Variants in RAB11FIP1 observed in about 807,000 individuals in gnomAD.
RAB11FIP1 encodes RAB11 family interacting protein 1.
Under a neutral mutation model 83.1 loss-of-function variants are expected in RAB11FIP1, and 49 were observed. The observed-to-expected ratio is 0.59, with a 90% CI of 0.47 to 0.75. RAB11FIP1 has a LOEUF of 0.75. Among genes scored for constraint, RAB11FIP1 ranks in the 30% least tolerant of loss-of-function variants. The pLI is 0.00. For synonymous variants in RAB11FIP1, 670 were observed against 656.0 expected (o/e 1.02, Z -0.33); for missense variants, 1,536 against 1,598.7 (o/e 0.96, Z 0.67).
chr8:37,894,346 C>CT (rs1439376744), intron 1 of RAB11FIP1, among the ~76,000 whole-genome samples: 2 of 151,834 alleles, frequency 1.3e-5, no homozygotes, highest in South Asian at 2.1e-4. Context: ...TTGCTTTTTT[C>CT]TTTTTTTTAA....
Position 37,871,991 on chromosome 8 carries a change from G to A in RAB11FIP1, c.2811C>T (p.Pro937=). ...ASDHEGLLSD[P]LSDLQLVSDF... The stretch of plus-strand genomic sequence containing the variant: ...CTGAGACCAACTGAAGGTCACTCAA[G>A]GGGTCAGACAATAAACCTTCGTGGT... Residue 937 remains proline, a synonymous_variant, in exon 4 of 6, where the codon CCC becomes CCT. Coordinates refer to ENST00000330843, the MANE Select transcript of RAB11FIP1 (RefSeq NM_001002814.3). 1 of 1,614,154 alleles carries A rather than the reference G, an allele frequency of 6.2e-7. No individual in the cohort carries two copies. The highest frequency in any genetic ancestry group is 8.5e-7 in the Non-Finnish European group (1 of 1,180,036).
intron 1 of RAB11FIP1, among the ~76,000 whole-genome samples, chr8:37,888,790 CTTTTTTT>C (rs35214439): frequency 7.0e-5 from 7 of 100,662 alleles, no homozygotes; most frequent in East Asian, 3.0e-4. Flanking sequence ...CGTTCTGCAA[CTTTTTTT>C]TTTTTTTTTT....
At position 37,899,095 on chromosome 8, in the gene RAB11FIP1, C is replaced by T. The variant is rs1817701133; in HGVS notation, c.347G>A (p.Arg116His). The change falls in exon 1 of 6, where the codon CGC becomes CAC. Residue 116 changes from arginine to histidine, a missense_variant. Coordinates refer to ENST00000330843, the MANE Select transcript of RAB11FIP1 (RefSeq NM_001002814.3). This position sits in a 1 kb window ranked among gnomAD's most constrained non-coding sequence, Gnocchi z 4.5. ...RAEVDLRDLHRDQGRRKTQWY... is the reference protein window; with the variant it reads ...RAEVDLRDLHHDQGRRKTQWY... The stretch of plus-strand genomic sequence containing the variant: ...CTGCGTCTTCCTGCGGCCCTGGTCG[C>T]GGTGCAGATCCCGCAGGTCCACCTC... 1 of 1,519,670 alleles carries T rather than the reference C, an allele frequency of 6.6e-7. No homozygotes were observed. Among genetic ancestry groups the T allele is most frequent in the Non-Finnish European group, 8.8e-7 (1 of 1,142,808 alleles). The allele number at this position is 1,519,670 out of a possible 1,614,324, so 94.1% of individuals were successfully genotyped here.
intron 1 of RAB11FIP1, among the ~76,000 whole-genome samples, chr8:37,882,583 A>G (rs932524350): frequency 2.0e-5 from 3 of 152,184 alleles, no homozygotes; most frequent in African/African-American, 7.2e-5. Flanking sequence ...ACTTTCGGGA[A>G]CGTCCTACTC....
intron 5 of RAB11FIP1, among the ~76,000 whole-genome samples, chr8:37,865,315 C>CTTTTTT (rs11407439): frequency 2.8e-5 from 4 of 142,934 alleles, no homozygotes; most frequent in Non-Finnish European, 4.5e-5. Context: ...TCCTGGGATT[C>CTTTTTT]TTTTTTTTTT....
chr8:37,887,846 A>C (rs1300675633), intron 1 of RAB11FIP1, among the ~76,000 whole-genome samples: 1 of 152,230 alleles, frequency 6.6e-6, no homozygotes, highest in African/African-American at 2.4e-5. Context: ...AGTGCATTAT[A>C]CATTACTGGC....
In RAB11FIP1 at chr8:37,872,888, A is replaced by G. The variant is rs375093884; in HGVS notation, c.1914T>C (p.Thr638=). The G allele has an allele frequency of 6.2e-7, 1 of 1,614,230 alleles. No homozygotes were observed. The highest frequency in any genetic ancestry group is 2.2e-5 in the East Asian group (1 of 44,892). ...AATTTGGAACCGGTGTTAAACTCTC[A>G]GTTTGCAACTCTGCCTTAGGGAGCA... ...PPLLPKAELQ[T]ESLTPVPNSG... The change falls in exon 4 of 6, where the codon ACT becomes ACC. Residue 638 remains threonine (T), a synonymous_variant. Transcript: ENST00000330843.
chr8:37,872,079 G>A lies in RAB11FIP1; in HGVS notation c.2723C>T (p.Thr908Ile), dbSNP rs770350211. 1 of 1,614,156 alleles carries A rather than the reference G, an allele frequency of 6.2e-7. No individual in the cohort carries two copies. The highest frequency in any genetic ancestry group is 8.5e-7 in the Non-Finnish European group (1 of 1,180,022). Residue 908 changes from threonine to isoleucine, a missense_variant, in exon 4 of 6, where the codon ACT becomes ATT. By Grantham distance (89) the Thr-to-Ile change is moderately conservative. Transcript: ENST00000330843. ...PMSEASSAKD[T>I]PLFRMEGEDA... ...CTCTCCCTCCATCCTAAAGAGTGGA[G>A]TGTCTTTCGCTGAGCTTGCTTCACT...
At chr8:37,869,768 G>A (rs1319056302) in intron 5 of RAB11FIP1, among the ~76,000 whole-genome samples, 1 of 152,176 alleles carries the variant, frequency 6.6e-6, no homozygotes, top group African/African-American at 2.4e-5. Flanking sequence ...GTTGGGGAGA[G>A]GAAGCAGAGA....
At chr8:37,878,921 T>G (rs980753324) in intron 1 of RAB11FIP1, among the ~76,000 whole-genome samples, 1 of 152,118 alleles carries the variant, frequency 6.6e-6, no homozygotes. Context: ...GAGGCTGCAG[T>G]GAGCTATAAT....
At chr8:37,871,174 G>T in intron 4 of RAB11FIP1, 104 bp downstream of exon 4, 1 of 1,445,272 alleles carries the variant, frequency 6.9e-7, no homozygotes, top group Non-Finnish European at 9.2e-7. Context: ...CAGGTGGGTT[G>T]TCACATCAGA....
At chr8:37,885,215 G>A (rs1413798233) in intron 1 of RAB11FIP1, among the ~76,000 whole-genome samples, 3 of 151,712 alleles carry the variant, frequency 2.0e-5, no homozygotes, top group South Asian at 2.1e-4. Context: ...GGCCGGTCTC[G>A]AACTCCTGAC....
At chr8:37,877,047 T>C in intron 2 of RAB11FIP1, 62 bp downstream of exon 2, 2 of 1,198,408 alleles carry the variant, frequency 1.7e-6, no homozygotes, top group African/African-American at 1.5e-5. Context: ...GTTTCTTCTC[T>C]CTCAGAACGA....
Position 37,871,372 on chromosome 8 carries a change from T to C in RAB11FIP1, c.3430A>G (p.Lys1144Glu), listed in dbSNP as rs772550682. 2.5e-6 allele frequency: 4 copies of C among 1,614,090 alleles called. No homozygotes were observed. The highest frequency in any genetic ancestry group is 1.3e-5 in the African/African-American group (1 of 74,944). ...CAGGCCTGGAGGAGTGGCTTCCTCT[T>C]GCCAAAATTTTCAACTCTACCAGCG... The part of the protein sequence containing the change: ...GSAGRVENFG[K>E]RKPLLQAWVS... The change falls in exon 4 of 6, where the codon AAG becomes GAG. Residue 1144 changes from lysine to glutamate, a missense_variant. Physicochemically the swap from Lys to Glu is moderately conservative, Grantham distance 56. Transcript: ENST00000330843.
At position 37,871,187 on chromosome 8, in the gene RAB11FIP1, T is replaced by A. The variant is rs1806448346; in HGVS notation, c.3524+91A>T. 3 of 1,489,646 alleles carry A rather than the reference T, an allele frequency of 2.0e-6. No individual in the cohort carries two copies. The African/African-American group carries it at 4.2e-5, about 21-fold the overall frequency. 92.3% of individuals were successfully genotyped at this position (1,489,646 alleles called of 1,614,324 possible). ...GACAGGTGGGTTGTCACATCAGACG[T>A]CTGTGTGGTTAGAAAGCCGTAACCT... On this transcript the variant is annotated intron_variant, in intron 4 of 5. Coordinates refer to ENST00000330843, the MANE Select transcript of RAB11FIP1 (RefSeq NM_001002814.3).
chr8:37,884,598 G>T (rs1806790890), intron 1 of RAB11FIP1, among the ~76,000 whole-genome samples: 1 of 152,192 alleles, frequency 6.6e-6, no homozygotes, highest in African/African-American at 2.4e-5. Context: ...GCCCAGGCTG[G>T]AGTACAGTGG....
At chr8:37,878,628 A>G (rs1378056581) in intron 1 of RAB11FIP1, among the ~76,000 whole-genome samples, 6 of 151,014 alleles carry the variant, frequency 4.0e-5, no homozygotes, top group African/African-American at 1.5e-4. Context: ...AGAGAAAATC[A>G]AGTTTGTAGT....
At chr8:37,897,428 G>C (rs1489713198) in intron 1 of RAB11FIP1, among the ~76,000 whole-genome samples, 1 of 149,960 alleles carries the variant, frequency 6.7e-6, no homozygotes, top group Non-Finnish European at 1.5e-5. Flanking sequence ...TGACTGGCCT[G>C]TGTATTTAAG....
At position 37,872,751 on chromosome 8, in the gene RAB11FIP1, G is replaced by C. The variant is rs751479977; in HGVS notation, c.2051C>G (p.Thr684Ser). Residue 684 changes from threonine (T) to serine (S), a missense_variant, in exon 4 of 6, where the codon ACC becomes AGC. Transcript: ENST00000330843. The stretch of plus-strand genomic sequence containing the variant: ...AGACTCCTCCAACTCAAGGCTGCTG[G>C]TGTTCTTCTCTGTGCCTGTCTCACG... ...RTRETGTEKN[T>S]SSLELEESLP... 3.1e-6 allele frequency: 5 copies of C among 1,614,108 alleles called. No individual in the cohort carries two copies. In the East Asian group the frequency reaches 8.9e-5, roughly 29 times the overall value.
Sources: allele counts gnomAD v4.1 joint callset (sites outside exome capture counted in the v4.1 genomes callset), GRCh38; gene constraint gnomAD v4.1.1; non-coding constraint Gnocchi (gnomAD v3.1); transcripts MANE v1.5; gene names NCBI Gene and HGNC (gene_info 2026-07-23, HGNC 2026-07-21).